RUNX2: variants seen among roughly 807,000 people sequenced by gnomAD.
RUNX2 encodes runt-related transcription factor 2.
RUNX2 carries 10 observed loss-of-function variants against 51.7 expected under a neutral mutation model. The ratio of observed to expected loss-of-function variants is 0.19; its 90% CI spans 0.12 to 0.33. The LOEUF is 0.33. RUNX2 is among the 10% of genes least tolerant of loss of function. The probability of loss-of-function intolerance (pLI) is 1.00; values close to 1 mark genes in which losing one functional copy is unlikely to be tolerated. For synonymous variants in RUNX2, 276 were observed against 273.6 expected, an observed-to-expected ratio of 1.01 and a Z score of -0.09; for missense variants, 562 against 691.3, an observed-to-expected ratio of 0.81 and a Z score of 2.10.
At chr6:45,454,396 T>C (rs148985819) in intron 5 of RUNX2, among the ~76,000 whole-genome samples, 1 of 152,362 alleles carries the variant, frequency 6.6e-6, no homozygotes, top group Non-Finnish European at 1.5e-5. Context: ...AGCATGAGAT[T>C]TGTGGCACAA....
chr6:45,397,600 C>T (rs1471460683), intron 2 of RUNX2, among the ~76,000 whole-genome samples: 1 of 152,116 alleles, frequency 6.6e-6, no homozygotes, highest in African/African-American at 2.4e-5. Flanking sequence ...TTTTAATTTG[C>T]TTTCCCCTAA....
At chr6:45,518,330 G>A (rs1016448165) in intron 7 of RUNX2, among the ~76,000 whole-genome samples, 5 of 152,038 alleles carry the variant, frequency 3.3e-5, no homozygotes, top group Non-Finnish European at 5.9e-5. Context: ...TCATTATATC[G>A]CCACTGATTG....
intron 4 of RUNX2, among the ~76,000 whole-genome samples, chr6:45,432,996 A>G (rs1272276643): frequency 6.6e-6 from 1 of 152,218 alleles, no homozygotes; most frequent in Non-Finnish European, 1.5e-5. Flanking sequence ...TTTTTAAACC[A>G]TGTCTAATAA....
intron 7 of RUNX2, among the ~76,000 whole-genome samples, chr6:45,530,067 AAGCTAGTATTTGAGGTGTC>A (rs1801795558): frequency 6.6e-6 from 1 of 152,226 alleles, no homozygotes; most frequent in Non-Finnish European, 1.5e-5. Context: ...CAGACTTTGC[AAGCTAGTATTTGAGGTGTC>A]AGCTTTGGAC....
chr6:45,523,940 C>A (rs963345568), intron 7 of RUNX2, among the ~76,000 whole-genome samples: 1 of 151,436 alleles, frequency 6.6e-6, no homozygotes, highest in Non-Finnish European at 1.5e-5. Flanking sequence ...CAAAAAAAAA[C>A]CAAAAACGAA....
At chr6:45,436,972 C>T (rs1295064290) in intron 4 of RUNX2, among the ~76,000 whole-genome samples, 7 of 152,196 alleles carry the variant, frequency 4.6e-5, no homozygotes, top group Non-Finnish European at 1.0e-4. Flanking sequence ...CTGTTTCACG[C>T]CCACCTCTTC....
intron 5 of RUNX2, among the ~76,000 whole-genome samples, chr6:45,480,038 T>G (rs1800065018): frequency 6.6e-6 from 1 of 152,222 alleles, no homozygotes; most frequent in Non-Finnish European, 1.5e-5. Flanking sequence ...GAGGTAGAGT[T>G]TTCAGTTCCT....
At chr6:45,536,243 G>A (rs1163860723) in intron 7 of RUNX2, among the ~76,000 whole-genome samples, 1 of 152,098 alleles carries the variant, frequency 6.6e-6, no homozygotes, top group African/African-American at 2.4e-5. Context: ...GGTCAGCCCA[G>A]GCCTCCAGTG....
At chr6:45,535,430 C>A (rs889534094) in intron 7 of RUNX2, among the ~76,000 whole-genome samples, 3 of 151,952 alleles carry the variant, frequency 2.0e-5, no homozygotes, top group Non-Finnish European at 2.9e-5. Flanking sequence ...CGGTGAAACC[C>A]CATCTCTACT....
At chr6:45,395,765 T>C (rs963145914) in intron 2 of RUNX2, among the ~76,000 whole-genome samples, 3 of 152,180 alleles carry the variant, frequency 2.0e-5, no homozygotes, top group African/African-American at 7.2e-5. Context: ...CTTCCTGGAT[T>C]CAAGCAATCA....
intron 2 of RUNX2, among the ~76,000 whole-genome samples, chr6:45,348,459 G>A (rs1791345373): frequency 7.1e-6 from 1 of 140,390 alleles, no homozygotes; most frequent in South Asian, 2.2e-4. Flanking sequence ...TTGAGGTCTA[G>A]AGTTCCAGAC....
rs1036238369 is a variant in RUNX2, at chr6:45,479,798, C to A, written c.686-12143C>A. Among the ~76,000 whole-genome samples the A allele has an allele frequency of 9.8e-5, 15 of 152,302 alleles. No individual in the cohort carries two copies. The East Asian group carries it at 2.9e-3, about 29-fold the overall frequency. ...GTTTTTTAATATTAACCCACACCAA[C>A]CTGCTTCCTTTGGCTTGAGAATAAT... On this transcript the variant is annotated intron_variant, in intron 5 of 8. Coordinates refer to ENST00000647337, the MANE Select transcript of RUNX2 (RefSeq NM_001024630.4).
At chr6:45,405,749 T>A (rs1286787383) in intron 2 of RUNX2, among the ~76,000 whole-genome samples, 1 of 151,912 alleles carries the variant, frequency 6.6e-6, no homozygotes, top group Non-Finnish European at 1.5e-5. Context: ...ACTGTGCCAC[T>A]GCACTCCAGC....
At chr6:45,539,741 C>A (rs1235706633) in intron 7 of RUNX2, among the ~76,000 whole-genome samples, 3 of 152,202 alleles carry the variant, frequency 2.0e-5, no homozygotes, top group Non-Finnish European at 4.4e-5. Context: ...AGTAATTCAT[C>A]TGCTTTGCAA....
chr6:45,361,574 G>C (rs1794268588), intron 2 of RUNX2: 1 of 152,110 alleles, frequency 6.6e-6, no homozygotes. Flanking sequence ...AAATTTACAG[G>C]CTGCTTGAGT....
intron 5 of RUNX2, among the ~76,000 whole-genome samples, chr6:45,451,379 G>A (rs577709477): frequency 1.3e-5 from 2 of 152,328 alleles, no homozygotes; most frequent in East Asian, 3.9e-4. Context: ...GATTCTCTTA[G>A]GACTATGTAT....
chr6:45,404,287 A>C (rs1198132789), intron 2 of RUNX2, among the ~76,000 whole-genome samples: 1 of 138,806 alleles, frequency 7.2e-6, no homozygotes, highest in East Asian at 2.0e-4. Flanking sequence ...AAAAGAAAAA[A>C]GAAAAAAAAA....
At chr6:45,413,005 C>A (rs897254207) in intron 2 of RUNX2, among the ~76,000 whole-genome samples, 1 of 152,166 alleles carries the variant, frequency 6.6e-6, no homozygotes, top group Non-Finnish European at 1.5e-5. Flanking sequence ...CCCACCTTGG[C>A]CTCCCAAAGT....
intron 2 of RUNX2, among the ~76,000 whole-genome samples, chr6:45,380,608 G>A (rs1053571843): frequency 1.3e-5 from 2 of 152,110 alleles, no homozygotes; most frequent in South Asian, 2.1e-4. Context: ...ACAGAGTCTC[G>A]CTCTGTCACC....
Sources: allele counts gnomAD v4.1 joint callset (sites outside exome capture counted in the v4.1 genomes callset), GRCh38; gene constraint gnomAD v4.1.1; transcripts MANE v1.5; gene names NCBI Gene and HGNC (gene_info 2026-07-23, HGNC 2026-07-21).